ADAMTSL3: variants seen among roughly 807,000 people sequenced by gnomAD.
ADAMTSL3 encodes the protein ADAMTS-like protein 3.
In ADAMTSL3, 128 loss-of-function variants were observed where a neutral mutation model predicts 201.7. That is an observed-to-expected ratio of 0.63 (90% CI 0.55 to 0.73). ADAMTSL3 has a LOEUF of 0.73. Ranked by LOEUF, ADAMTSL3 falls within the 30% of genes least tolerant of loss-of-function variation. The pLI is 0.00. For missense variants in ADAMTSL3, 1,990 were observed against 2,119.6 expected, an observed-to-expected ratio of 0.94 and a Z score of 1.20; for synonymous variants, 738 against 748.4, an observed-to-expected ratio of 0.99 and a Z score of 0.23.
intron 2 of ADAMTSL3, among the ~76,000 whole-genome samples, chr15:83,703,763 A>G (rs547067445): frequency 9.8e-5 from 15 of 152,300 alleles, no homozygotes; most frequent in Admixed American, 9.8e-4. Flanking sequence ...TGAGCTTTCC[A>G]TGAACTAAAC....
At chr15:83,708,204 A>G (rs1014752269) in intron 3 of ADAMTSL3, among the ~76,000 whole-genome samples, 3 of 152,158 alleles carry the variant, frequency 2.0e-5, no homozygotes, top group African/African-American at 7.2e-5. Flanking sequence ...CTAGTTTCTA[A>G]TGCTGTTGGG....
chr15:83,990,362 G>A (rs996136967), intron 22 of ADAMTSL3, among the ~76,000 whole-genome samples: 1 of 152,130 alleles, frequency 6.6e-6, no homozygotes, highest in Admixed American at 6.5e-5. Context: ...ATAAGGATTA[G>A]GTACCACATT....
chr15:83,820,557 A>C (rs1421504354), intron 6 of ADAMTSL3, among the ~76,000 whole-genome samples: 1 of 152,230 alleles, frequency 6.6e-6, no homozygotes, highest in Non-Finnish European at 1.5e-5. Context: ...TGGGGAATAC[A>C]CTTTGAGAAC....
At chr15:84,012,939 A>G (rs1029587082) in intron 23 of ADAMTSL3, among the ~76,000 whole-genome samples, 6 of 152,224 alleles carry the variant, frequency 3.9e-5, no homozygotes, top group Non-Finnish European at 2.9e-5. Context: ...AAGGCTACAG[A>G]ACTAATAACT....
intron 13 of ADAMTSL3, among the ~76,000 whole-genome samples, chr15:83,895,482 C>G (rs530178739): frequency 6.6e-6 from 1 of 152,302 alleles, no homozygotes; most frequent in East Asian, 1.9e-4. Context: ...TAGCTCTTCT[C>G]ATTCACCATA....
At chr15:83,848,840 C>T (rs1269322592) in intron 7 of ADAMTSL3, among the ~76,000 whole-genome samples, 1 of 152,214 alleles carries the variant, frequency 6.6e-6, no homozygotes, top group Non-Finnish European at 1.5e-5. Context: ...TTAATAATAA[C>T]TTATACTTAC....
chr15:83,692,248 T>G (rs926017623), intron 2 of ADAMTSL3, among the ~76,000 whole-genome samples: 4 of 151,692 alleles, frequency 2.6e-5, no homozygotes, highest in Admixed American at 2.0e-4. Context: ...TCACCTTTTG[T>G]TTTTAAGAAG....
chr15:83,949,638 G>C (rs548874536), intron 19 of ADAMTSL3, among the ~76,000 whole-genome samples: 55 of 151,932 alleles, frequency 3.6e-4, no homozygotes, highest in African/African-American at 1.3e-3. Flanking sequence ...CAATGTACAA[G>C]GGTTCCCTTT....
At chr15:83,784,230 A>G (rs898364525) in intron 4 of ADAMTSL3, among the ~76,000 whole-genome samples, 2 of 152,142 alleles carry the variant, frequency 1.3e-5, no homozygotes, top group Non-Finnish European at 1.5e-5. Context: ...GTGAGACCTT[A>G]TGTGCCCTTA....
chr15:83,736,588 C>G (rs1419603958), intron 3 of ADAMTSL3, among the ~76,000 whole-genome samples: 1 of 152,168 alleles, frequency 6.6e-6, no homozygotes, highest in Non-Finnish European at 1.5e-5. Context: ...GTGGTGGAAG[C>G]CATTCTGAGA....
intron 4 of ADAMTSL3, among the ~76,000 whole-genome samples, chr15:83,799,691 A>G (rs904608750): frequency 6.6e-6 from 1 of 152,184 alleles, no homozygotes; most frequent in Non-Finnish European, 1.5e-5. Context: ...ATATTCATAA[A>G]TTTATGACTT....
At chr15:84,006,440 A>G (rs892445345) in intron 23 of ADAMTSL3, among the ~76,000 whole-genome samples, 14 of 152,214 alleles carry the variant, frequency 9.2e-5, no homozygotes, top group Non-Finnish European at 1.8e-4. Context: ...CCAGGGATTT[A>G]TAGTGTGGAA....
intron 4 of ADAMTSL3, among the ~76,000 whole-genome samples, 183 bp downstream of exon 4, chr15:83,773,833 G>A (rs1424030320): frequency 6.6e-6 from 1 of 152,214 alleles, no homozygotes. Context: ...GTTTTCGTGG[G>A]TGTGGCCATG....
At chr15:84,012,537 C>G (rs76739693) in intron 23 of ADAMTSL3, among the ~76,000 whole-genome samples, 1 of 152,200 alleles carries the variant, frequency 6.6e-6, no homozygotes. Flanking sequence ...CCTACTTTCT[C>G]TTTCTCCATA....
At chr15:83,820,088 G>A in intron 6 of ADAMTSL3, 41 bp downstream of exon 6, 1 of 1,520,498 alleles carries the variant, frequency 6.6e-7, no homozygotes, top group Non-Finnish European at 9.1e-7. Flanking sequence ...TTGGGGATGT[G>A]CCACGCCTAC....
intron 5 of ADAMTSL3, among the ~76,000 whole-genome samples, chr15:83,804,908 GTATT>G (rs1222913837): frequency 7.2e-5 from 11 of 152,210 alleles, no homozygotes; most frequent in African/African-American, 2.6e-4. Context: ...AATTTGGTAA[GTATT>G]TAATAATTTC....
At chr15:83,903,442 C>G (rs759340539) in intron 15 of ADAMTSL3, among the ~76,000 whole-genome samples, 18 of 152,102 alleles carry the variant, frequency 1.2e-4, no homozygotes, top group Non-Finnish European at 2.1e-4. Context: ...CTCCCTCCCA[C>G]TAGACTCTAG....
At chr15:83,994,501 A>T (rs1452120462) in intron 23 of ADAMTSL3, among the ~76,000 whole-genome samples, 1 of 152,122 alleles carries the variant, frequency 6.6e-6, no homozygotes, top group Non-Finnish European at 1.5e-5. Flanking sequence ...ACACTTAAAA[A>T]TATCTACTTT....
intron 5 of ADAMTSL3, among the ~76,000 whole-genome samples, chr15:83,810,493 C>A (rs1669504317): frequency 6.6e-6 from 1 of 152,224 alleles, no homozygotes; most frequent in Admixed American, 6.5e-5. Context: ...TAACATATTA[C>A]TATAAATATA....
Sources: allele counts gnomAD v4.1 joint callset (sites outside exome capture counted in the v4.1 genomes callset), GRCh38; gene constraint gnomAD v4.1.1; transcripts MANE v1.5; gene names NCBI Gene and HGNC (gene_info 2026-07-23, HGNC 2026-07-21).